Variants in EMC8 observed in about 807,000 individuals in gnomAD.
EMC8 encodes the protein ER membrane protein complex subunit 8.
A neutral mutation model predicts 24.3 loss-of-function variants in EMC8; 11 were observed. That is an observed-to-expected ratio of 0.45 (90% CI 0.28 to 0.75). EMC8 has a LOEUF of 0.75. Ranked by LOEUF, EMC8 falls within the 30% of genes least tolerant of loss-of-function variation. The pLI, the probability that EMC8 is intolerant of heterozygous loss-of-function variation, is 0.12. For synonymous variants in EMC8, 145 were observed against 117.7 expected, an observed-to-expected ratio of 1.23 and a Z score of -1.50; for missense variants, 277 against 282.7, an observed-to-expected ratio of 0.98 and a Z score of 0.14.
Position 85,799,033 on chromosome 16 carries a change from C to G in EMC8, c.231+32G>C. 1 of 1,437,282 alleles carries G rather than the reference C, an allele frequency of 7.0e-7. No homozygotes were observed. The allele number at this position is 1,437,282 out of a possible 1,614,324, so 89.0% of individuals were successfully genotyped here. ...GCTGACTGAGGGGAGGCCAGGCTGCCTGCAAGGGGAAGGGGCCCTTTCCGC... is the reference window on the plus strand; with the variant it reads ...GCTGACTGAGGGGAGGCCAGGCTGCGTGCAAGGGGAAGGGGCCCTTTCCGC... On this transcript the variant is annotated intron_variant, in intron 1 of 4. Transcript: ENST00000253457. The surrounding 1 kb of genome is among the most constrained non-coding windows in gnomAD (Gnocchi z 4.2).
At chr16:85,798,960 G>T (rs1319099642) in intron 1 of EMC8, 105 bp downstream of exon 1, 1 of 760,400 alleles carries the variant, frequency 1.3e-6, no homozygotes, top group African/African-American at 1.8e-5. Context: ...CTAGGGAGCG[G>T]GTCCTAGGAG....
In EMC8 at chr16:85,788,524, AAAG is replaced by A. The variant is rs1166977104; in HGVS notation, c.308+447_308+449del. ...GGGAAGGATCTGGATAAAGGAAAAG[AAAG>A]AAGGAGCCAGTATAAAGGGGGCAGC... On this transcript the variant is annotated intron_variant, in intron 2 of 4. Coordinates refer to ENST00000253457, the MANE Select transcript of EMC8 (RefSeq NM_006067.5). 2.0e-5 allele frequency among the ~76,000 whole-genome samples: 3 copies of A among 152,362 alleles called. No homozygotes were observed. The East Asian group carries it at 5.8e-4, about 29-fold the overall frequency.
At chr16:85,785,254 T>G (rs1476795799) in intron 2 of EMC8, among the ~76,000 whole-genome samples, 1 of 152,192 alleles carries the variant, frequency 6.6e-6, no homozygotes, top group Non-Finnish European at 1.5e-5. Context: ...GCCTAAAATT[T>G]ATTATTTTAA....
rs1467644516 is a variant in EMC8 at position 85,796,266 on chromosome 16, T to C, written c.231+2799A>G. On this transcript the variant is annotated intron_variant, in intron 1 of 4. Coordinates refer to ENST00000253457, the MANE Select transcript of EMC8 (RefSeq NM_006067.5). Reference sequence around the variant, plus strand: ...CTCAACAAATGGCACCAGTGCACCATCGTCCCAGCGCACAAGCCAGGAACC... The same window carrying C: ...CTCAACAAATGGCACCAGTGCACCACCGTCCCAGCGCACAAGCCAGGAACC... 3.9e-5 allele frequency among the ~76,000 whole-genome samples: 6 copies of C among 152,100 alleles called. 1 individual carries two copies. The highest frequency in any genetic ancestry group is 9.7e-5 in the African/African-American group (4 of 41,390).
At chr16:85,793,166 C>T (rs1024711500) in intron 1 of EMC8, among the ~76,000 whole-genome samples, 1 of 152,182 alleles carries the variant, frequency 6.6e-6, no homozygotes, top group African/African-American at 2.4e-5. Flanking sequence ...ACTCTTTGCA[C>T]AGAGGCAGTA....
At chr16:85,791,452 G>A (rs1296425830) in intron 1 of EMC8, among the ~76,000 whole-genome samples, 2 of 152,126 alleles carry the variant, frequency 1.3e-5, no homozygotes, top group African/African-American at 4.8e-5. Context: ...TATTTGTCCT[G>A]ATGCTCTCCC....
rs1249221108 is a variant in EMC8, at chr16:85,799,106, T to C, written c.190A>G (p.Thr64Ala). 1 of 1,577,530 alleles carries C rather than the reference T, an allele frequency of 6.3e-7. No homozygotes were observed. The highest frequency in any genetic ancestry group is 1.8e-5 in the Admixed American group (1 of 54,252). ...FVDCIPLFHG[T>A]LALAPMLEVA... ...TCCAGCATGGGGGCGAGGGCCAGGG[T>C]GCCGTGGAAGAGGGGGATGCAGTCC... Residue 64 changes from threonine to alanine, a missense_variant, in exon 1 of 5, where the codon ACC becomes GCC. Physicochemically the swap from Thr to Ala is moderately conservative, Grantham distance 58. Transcript: ENST00000253457. This position sits in a 1 kb window ranked among gnomAD's most constrained non-coding sequence, Gnocchi z 4.2.
rs542342814 is a variant in EMC8, at chr16:85,783,933, A to G, written c.309-2653T>C. Among the ~76,000 whole-genome samples the G allele has an allele frequency of 2.1e-4, 32 of 152,338 alleles. No individual in the cohort carries two copies. The South Asian group carries it at 3.9e-3, about 19-fold the overall frequency. ...GGCACGTGCTGCTTTCCTTCTGTGC[A>G]TCCTGTCTGCCCTGCACAATCAAGG... is the stretch of plus-strand genomic sequence containing the variant. On this transcript the variant is annotated intron_variant, in intron 2 of 4. Coordinates refer to ENST00000253457, the MANE Select transcript of EMC8 (RefSeq NM_006067.5).
At chr16:85,786,900 G>C (rs1175957237) in intron 2 of EMC8, among the ~76,000 whole-genome samples, 2 of 152,154 alleles carry the variant, frequency 1.3e-5, no homozygotes, top group African/African-American at 4.8e-5. Context: ...GGTCCATGTG[G>C]GGCGACCACA....
chr16:85,787,247 T>C (rs1444971478), intron 2 of EMC8, among the ~76,000 whole-genome samples: 2 of 152,006 alleles, frequency 1.3e-5, no homozygotes, highest in Non-Finnish European at 2.9e-5. Context: ...AATGCTGACC[T>C]CCTGGTCTCC....
intron 2 of EMC8, among the ~76,000 whole-genome samples, chr16:85,788,437 A>G (rs971623188): frequency 1.3e-5 from 2 of 152,250 alleles, no homozygotes; most frequent in Non-Finnish European, 2.9e-5. Context: ...TTCTGTTGGG[A>G]CCAAGATGAC....
At position 85,799,298 on chromosome 16, in the gene EMC8, T is replaced by G. The variant is rs762635117; in HGVS notation, c.-3A>C. On this transcript the variant is annotated 5_prime_UTR_variant, in exon 1 of 5. Coordinates refer to ENST00000253457, the MANE Select transcript of EMC8 (RefSeq NM_006067.5). This position sits in a 1 kb window ranked among gnomAD's most constrained non-coding sequence, Gnocchi z 4.2. Reference sequence around the variant, plus strand: ...GTGGTCAGTTTCACCCCGGGCATGCTGACCCGGGAGGGCCCCGGAGGCCCC... The same window carrying G: ...GTGGTCAGTTTCACCCCGGGCATGCGGACCCGGGAGGGCCCCGGAGGCCCC... 3 of 1,593,890 alleles carry G rather than the reference T, an allele frequency of 1.9e-6. No homozygotes were observed. In the South Asian group the frequency reaches 3.3e-5, roughly 18 times the overall value.
chr16:85,780,337 C>G, intron 4 of EMC8, 42 bp downstream of exon 4: 1 of 1,503,918 alleles, frequency 6.6e-7, no homozygotes, highest in Non-Finnish European at 9.2e-7. Flanking sequence ...TGGCCGGGCG[C>G]TGAAGGAGCC....
At chr16:85,783,771 C>A (rs1038985878) in intron 2 of EMC8, among the ~76,000 whole-genome samples, 2 of 152,236 alleles carry the variant, frequency 1.3e-5, no homozygotes, top group African/African-American at 2.4e-5. Flanking sequence ...GGCCTCCTTA[C>A]TGAATTGCTT....
At chr16:85,791,525 G>A (rs1373288860) in intron 1 of EMC8, among the ~76,000 whole-genome samples, 1 of 152,136 alleles carries the variant, frequency 6.6e-6, no homozygotes, top group East Asian at 1.9e-4. Flanking sequence ...GTGTCCATGT[G>A]TTCTCACTAT....
At chr16:85,792,780 G>C (rs562859260) in intron 1 of EMC8, 1 of 152,228 alleles carries the variant, frequency 6.6e-6, no homozygotes, top group Non-Finnish European at 1.5e-5. Context: ...AGCTTCCTCC[G>C]AAGCGAGGCA....
intron 1 of EMC8, among the ~76,000 whole-genome samples, chr16:85,794,835 T>A (rs934895056): frequency 1.5e-4 from 23 of 152,146 alleles, no homozygotes; most frequent in African/African-American, 5.6e-4. Context: ...AGGCTGGATG[T>A]CTACAGTGCA....
Position 85,779,555 on chromosome 16 carries a change from G to T in EMC8, c.*153C>A. 2.8e-6 allele frequency: 2 copies of T among 719,244 alleles called. No homozygotes were observed. Among genetic ancestry groups the T allele is most frequent in the Admixed American group, 2.4e-5 (1 of 41,002 alleles). The allele number at this position is 719,244 out of a possible 1,614,324, so 44.6% of individuals were successfully genotyped here. A position where few individuals can be genotyped will look rare whatever the true frequency, so the allele number is the denominator to read the frequency against. ...GAGACTCTGTGTTAAAAACACGACC[G>T]ACTGAACATTCTGCCCCCTTTCAAG... is the stretch of plus-strand genomic sequence containing the variant. On this transcript the variant is annotated 3_prime_UTR_variant, in exon 5 of 5. Transcript: ENST00000253457.
In EMC8 at chr16:85,786,260, T is replaced by G. The variant is rs1488040936; in HGVS notation, c.308+2714A>C. Among the ~76,000 whole-genome samples the G allele has an allele frequency of 2.6e-5, 4 of 152,218 alleles. No individual in the cohort carries two copies. The East Asian group carries it at 7.7e-4, about 29-fold the overall frequency. On this transcript the variant is annotated intron_variant, in intron 2 of 4. Transcript: ENST00000253457. ...TCCAGGTCTACTTGGCTCCAAATCA[T>G]GCTGCAAGACACTGTGAATGAGGCA...
Sources: allele counts gnomAD v4.1 joint callset (sites outside exome capture counted in the v4.1 genomes callset), GRCh38; gene constraint gnomAD v4.1.1; non-coding constraint Gnocchi (gnomAD v3.1); transcripts MANE v1.5; gene names NCBI Gene and HGNC (gene_info 2026-07-23, HGNC 2026-07-21).